Variants in APBA1 observed in about 807,000 individuals in gnomAD.
The protein encoded by APBA1 is amyloid beta precursor protein binding family A member 1, also known as amyloid-beta A4 precursor protein-binding family A member 1.
A neutral mutation model predicts 86.6 loss-of-function variants in APBA1; 55 were observed. The observed-to-expected ratio is 0.64, with a 90% CI of 0.51 to 0.80. The LOEUF is 0.80. APBA1 is among the 30% of genes least tolerant of loss of function. APBA1 has a pLI of 0.00. For synonymous variants in APBA1, 511 were observed against 493.9 expected (o/e 1.03, Z -0.46); for missense variants, 1,090 against 1,183.0 (o/e 0.92, Z 1.15).
chr9:69,646,686 A>G (rs1358904107), intron 1 of APBA1, among the ~76,000 whole-genome samples: 1 of 152,242 alleles, frequency 6.6e-6, no homozygotes, highest in Non-Finnish European at 1.5e-5. Context: ...CCCCTGCACC[A>G]GGGCTGAGAG....
At chr9:69,607,810 G>A (rs1308348490) in intron 1 of APBA1, among the ~76,000 whole-genome samples, 1 of 152,148 alleles carries the variant, frequency 6.6e-6, no homozygotes, top group African/African-American at 2.4e-5. Context: ...GAATCTCAGG[G>A]TTGTCTTACT....
rs746279817 is a variant in APBA1 at position 69,432,576 on chromosome 9, T to TG, written c.2401dup (p.His801ProfsTer180). 5 of 1,599,742 alleles carry TG rather than the reference T, an allele frequency of 3.1e-6. No homozygotes were observed. Among genetic ancestry groups the TG allele is most frequent in the East Asian group, 2.3e-5 (1 of 43,558 alleles). ...GGAGAGAATGTGGACGATCTTCTCGTGGGGGGTGGCCACGACGCTCTGTCC... is the reference window on the plus strand; with the variant it reads ...GGAGAGAATGTGGACGATCTTCTCGTGGGGGGGTGGCCACGACGCTCTGTCC... On this transcript the variant is annotated frameshift_variant, in exon 12 of 13. Coordinates refer to ENST00000265381, the MANE Select transcript of APBA1 (RefSeq NM_001163.4). LOFTEE classifies it high-confidence loss of function.
intron 1 of APBA1, among the ~76,000 whole-genome samples, chr9:69,616,436 G>T (rs1344044591): frequency 6.6e-6 from 1 of 152,202 alleles, no homozygotes; most frequent in Non-Finnish European, 1.5e-5. Context: ...CTAGGTTCAC[G>T]GCTCAAAACC....
At chr9:69,503,336 G>T (rs1245130042) in intron 2 of APBA1, among the ~76,000 whole-genome samples, 1 of 151,976 alleles carries the variant, frequency 6.6e-6, no homozygotes, top group Non-Finnish European at 1.5e-5. Context: ...TCCCTCCCAT[G>T]CCATGGTCCC....
At chr9:69,530,757 G>T (rs114181939) in intron 1 of APBA1, among the ~76,000 whole-genome samples, 34,242 of 151,922 alleles carry the variant, frequency 0.23, 3,977 homozygotes, top group African/African-American at 0.29. Context: ...ACTGAAGACA[G>T]CATAGGGAAG....
intron 1 of APBA1, among the ~76,000 whole-genome samples, chr9:69,546,395 C>T (rs2133923418): frequency 6.6e-6 from 1 of 152,304 alleles, no homozygotes; most frequent in African/African-American, 2.4e-5. Context: ...ACTGTTCCCA[C>T]TCAGGGACTC....
At chr9:69,613,709 C>T (rs1000385322) in intron 1 of APBA1, among the ~76,000 whole-genome samples, 3 of 152,188 alleles carry the variant, frequency 2.0e-5, no homozygotes, top group Non-Finnish European at 4.4e-5. Context: ...GTGATTTCTA[C>T]ATGGGTCTGA....
At chr9:69,451,882 G>T (rs1835015778) in intron 9 of APBA1, among the ~76,000 whole-genome samples, 1 of 152,132 alleles carries the variant, frequency 6.6e-6, no homozygotes, top group Admixed American at 6.5e-5. Context: ...CCAAAACTTA[G>T]CTCAGGATGA....
At chr9:69,604,297 T>C (rs775941477) in intron 1 of APBA1, among the ~76,000 whole-genome samples, 2 of 129,686 alleles carry the variant, frequency 1.5e-5, no homozygotes, top group Non-Finnish European at 3.2e-5. Flanking sequence ...CACATGAGGG[T>C]AAGTGGAGAG....
At chr9:69,559,958 C>T (rs887235002) in intron 1 of APBA1, among the ~76,000 whole-genome samples, 1 of 152,190 alleles carries the variant, frequency 6.6e-6, no homozygotes, top group Non-Finnish European at 1.5e-5. Context: ...TTGGCCCCCA[C>T]ACCAGTATAC....
rs1297670942 is a variant in APBA1 at position 69,516,658 on chromosome 9, C to G, written c.553G>C (p.Glu185Gln). 1 of 1,609,384 alleles carries G rather than the reference C, an allele frequency of 6.2e-7. No individual in the cohort carries two copies. Among genetic ancestry groups the G allele is most frequent in the Non-Finnish European group, 8.5e-7 (1 of 1,179,050 alleles). Residue 185 changes from glutamate to glutamine, a missense_variant, in exon 2 of 13, where the codon GAG becomes CAG. By Grantham distance (29) the Glu-to-Gln change is conservative. Transcript: ENST00000265381. The surrounding 1 kb of genome is among the most constrained non-coding windows in gnomAD (Gnocchi z 7.3). ...FHRGEDEPYS[E>Q]PYADYGGLQE... is the part of the protein sequence containing the mutation. Reference sequence around the variant, plus strand: ...AGGCCGCCGTAGTCGGCATAGGGCTCGGAGTAGGGCTCGTCCTCACCGCGG... The same window carrying G: ...AGGCCGCCGTAGTCGGCATAGGGCTGGGAGTAGGGCTCGTCCTCACCGCGG...
chr9:69,658,316 TTC>T (rs1564105098), intron 1 of APBA1, among the ~76,000 whole-genome samples: 2 of 82,918 alleles, frequency 2.4e-5, no homozygotes, highest in Non-Finnish European at 5.3e-5. Flanking sequence ...CTTTCTTTCT[TTC>T]TTTCTTTCTT....
intron 1 of APBA1, among the ~76,000 whole-genome samples, chr9:69,641,256 G>A (rs1277155998): frequency 6.6e-6 from 1 of 152,040 alleles, no homozygotes; most frequent in South Asian, 2.1e-4. Context: ...AATTAAGGAA[G>A]ATCTAAAGAA....
intron 1 of APBA1, among the ~76,000 whole-genome samples, chr9:69,595,849 G>A (rs77748133): frequency 0.015 from 2,355 of 152,164 alleles, 60 homozygotes; most frequent in African/African-American, 0.053. Context: ...CAGGCACACC[G>A]GTTTTCAAAC....
intron 1 of APBA1, among the ~76,000 whole-genome samples, chr9:69,670,803 A>T (rs975237168): frequency 3.3e-5 from 5 of 152,090 alleles, no homozygotes; most frequent in Non-Finnish European, 5.9e-5. Context: ...GAAAGCAGGG[A>T]CTTTACTGAC....
chr9:69,567,747 G>C (rs1837051251), intron 1 of APBA1, among the ~76,000 whole-genome samples: 1 of 152,176 alleles, frequency 6.6e-6, no homozygotes, highest in African/African-American at 2.4e-5. Context: ...GCTCAGGCCT[G>C]TCAGGAGGAG....
intron 1 of APBA1, among the ~76,000 whole-genome samples, chr9:69,584,787 G>A (rs1157120730): frequency 2.0e-5 from 3 of 152,154 alleles, no homozygotes; most frequent in Non-Finnish European, 4.4e-5. Context: ...AAGGGTCAAA[G>A]TTTGAATGAC....
chr9:69,497,603 C>A (rs572501721), intron 2 of APBA1, among the ~76,000 whole-genome samples: 2 of 152,210 alleles, frequency 1.3e-5, no homozygotes, highest in African/African-American at 4.8e-5. Flanking sequence ...ACAGCAAATT[C>A]TTTTGACAAT....
chr9:69,546,525 C>T (rs1836700412), intron 1 of APBA1, among the ~76,000 whole-genome samples: 1 of 152,218 alleles, frequency 6.6e-6, no homozygotes, highest in African/African-American at 2.4e-5. Flanking sequence ...AGGGTCTGGC[C>T]ATCCTCTTTT....
Sources: allele counts gnomAD v4.1 joint callset (sites outside exome capture counted in the v4.1 genomes callset), GRCh38; gene constraint gnomAD v4.1.1; non-coding constraint Gnocchi (gnomAD v3.1); transcripts MANE v1.5; gene names NCBI Gene and HGNC (gene_info 2026-07-23, HGNC 2026-07-21).